Variants in SYT13 observed in about 807,000 individuals in gnomAD.
SYT13 encodes synaptotagmin 13, also known as synaptotagmin-13.
Under a neutral mutation model 38.6 loss-of-function variants are expected in SYT13, and 21 were observed. The ratio of observed to expected loss-of-function variants is 0.54; its 90% confidence interval spans 0.39 to 0.78. SYT13 has a LOEUF of 0.78. Among genes scored for constraint, SYT13 ranks in the 30% least tolerant of loss-of-function variants. The pLI, the probability that SYT13 is intolerant of heterozygous loss-of-function variation, is 0.00. For missense variants in SYT13, 495 were observed against 548.7 expected, an observed-to-expected ratio of 0.90 and a Z score of 0.98; for synonymous variants, 241 against 237.6, an observed-to-expected ratio of 1.01 and a Z score of -0.13.
At chr11:45,281,596 G>A (rs1004876110) in intron 1 of SYT13, among the ~76,000 whole-genome samples, 1 of 151,872 alleles carries the variant, frequency 6.6e-6, no homozygotes, top group Non-Finnish European at 1.5e-5. Flanking sequence ...GAGCCCAGGA[G>A]GTGGAGGTTG....
At chr11:45,247,072 C>T (rs547148117) in intron 4 of SYT13, among the ~76,000 whole-genome samples, 1 of 152,306 alleles carries the variant, frequency 6.6e-6, no homozygotes, top group Non-Finnish European at 1.5e-5. Context: ...AGATCATGCC[C>T]AGAGGCAACT....
chr11:45,273,046 A>G (rs1854969460), intron 1 of SYT13, among the ~76,000 whole-genome samples: 1 of 152,168 alleles, frequency 6.6e-6, no homozygotes, highest in Non-Finnish European at 1.5e-5. Flanking sequence ...TGCTATCAAT[A>G]AGGGTTTTTG....
At chr11:45,264,638 G>C (rs186412769) in intron 1 of SYT13, among the ~76,000 whole-genome samples, 1 of 152,278 alleles carries the variant, frequency 6.6e-6, no homozygotes, top group East Asian at 1.9e-4. Flanking sequence ...AAGGACCTAG[G>C]TAAGCCATGA....
intron 5 of SYT13, among the ~76,000 whole-genome samples, chr11:45,245,296 T>A (rs1854600657): frequency 6.6e-6 from 1 of 152,228 alleles, no homozygotes; most frequent in African/African-American, 2.4e-5. Context: ...TGAGAATAAT[T>A]GTTACTTTGT....
intron 4 of SYT13, among the ~76,000 whole-genome samples, chr11:45,247,078 C>T (rs987557866): frequency 7.9e-5 from 12 of 152,338 alleles, no homozygotes; most frequent in African/African-American, 2.6e-4. Flanking sequence ...TGCCCAGAGG[C>T]AACTGGCAAT....
chr11:45,257,488 G>A (rs1464298766), intron 1 of SYT13, among the ~76,000 whole-genome samples: 1 of 152,208 alleles, frequency 6.6e-6, no homozygotes, highest in Non-Finnish European at 1.5e-5. Flanking sequence ...CGAGTAGTGG[G>A]TGCAGATGGC....
rs1164155850 is a variant in SYT13 at position 45,246,387 on chromosome 11, C to T, written c.972G>A (p.Gly324=). ...LHSNQSKELL[G]KDVSVKVTLK... is the part of the protein sequence containing the mutation. ...ATCCTCTCACATCTCACTCACCCTT[C>T]CCCAGGAGCTCCTTGGACTGGTTAG... Residue 324 remains glycine, a synonymous_variant, in exon 5 of 6, where the codon GGG becomes GGA. Transcript: ENST00000020926. The T allele has an allele frequency of 5.0e-6, 8 of 1,613,836 alleles. No individual in the cohort carries two copies. In the Admixed American group the frequency reaches 6.7e-5, roughly 13 times the overall value.
intron 1 of SYT13, among the ~76,000 whole-genome samples, chr11:45,273,634 C>T (rs981305491): frequency 7.9e-5 from 12 of 152,196 alleles, no homozygotes; most frequent in African/African-American, 2.7e-4. Flanking sequence ...AGAATATTAA[C>T]GACATGAGGT....
intron 1 of SYT13, among the ~76,000 whole-genome samples, chr11:45,265,123 T>C (rs544929351): frequency 6.6e-5 from 10 of 152,354 alleles, no homozygotes; most frequent in African/African-American, 2.2e-4. Flanking sequence ...GAGAAGTCCA[T>C]TGGGGCATAT....
intron 1 of SYT13, among the ~76,000 whole-genome samples, chr11:45,284,234 G>A (rs12363412): frequency 0.3 from 46,003 of 152,020 alleles, 7,110 homozygotes; most frequent in South Asian, 0.4. Context: ...TGGGTGGAGA[G>A]GAGTGGCTAA....
chr11:45,254,235 C>A (rs1271664747), intron 3 of SYT13, 35 bp downstream of exon 3: 2 of 1,581,032 alleles, frequency 1.3e-6, no homozygotes, highest in Non-Finnish European at 8.6e-7. Flanking sequence ...GAGATAGACA[C>A]ACAGAAGCCC....
At position 45,286,021 on chromosome 11, in the gene SYT13, T is replaced by G; in HGVS notation, c.183+4A>C. On this transcript the variant is annotated splice_donor_region_variant and intron_variant, in intron 1 of 5. Transcript: ENST00000020926. ...GGAAGGGCCTGCGCGCCGCCCCCGC[T>G]CACCTGTTGTGCAGACCCGAGCAAG... 6.2e-7 allele frequency: 1 copy of G among 1,605,700 alleles called. No individual in the cohort carries two copies. The highest frequency in any genetic ancestry group is 8.5e-7 in the Non-Finnish European group (1 of 1,179,220).
At chr11:45,278,777 ACACAGGCTTAGGGGTC>A (rs1170962459) in intron 1 of SYT13, among the ~76,000 whole-genome samples, 1 of 152,180 alleles carries the variant, frequency 6.6e-6, no homozygotes, top group Non-Finnish European at 1.5e-5. Flanking sequence ...AGACTGAGGG[ACACAGGCTTAGGGGTC>A]CACATGTGAG....
At chr11:45,269,308 T>A (rs1854920931) in intron 1 of SYT13, 1 of 584,930 alleles carries the variant, frequency 1.7e-6, no homozygotes, top group Non-Finnish European at 2.4e-6. Context: ...AACTAAATTT[T>A]AAAACAATTA....
chr11:45,254,504 C>T (rs1423062737), intron 2 of SYT13, 100 bp from the exon 3 acceptor site: 1 of 1,493,960 alleles, frequency 6.7e-7, no homozygotes, highest in African/African-American at 1.4e-5. Flanking sequence ...GAACCCAAAC[C>T]CAAGTCTTCC....
chr11:45,255,569 C>A, intron 2 of SYT13, 97 bp downstream of exon 2: 1 of 1,203,516 alleles, frequency 8.3e-7, no homozygotes. Flanking sequence ...CCGGGGCACT[C>A]GGCCTCCTCA....
At chr11:45,272,006 A>G (rs1364447559) in intron 1 of SYT13, among the ~76,000 whole-genome samples, 1 of 152,232 alleles carries the variant, frequency 6.6e-6, no homozygotes, top group African/African-American at 2.4e-5. Context: ...ATGGAATACT[A>G]TGCAGCCATA....
In SYT13 at chr11:45,244,013, G is replaced by T. The variant is rs1366995924; in HGVS notation, c.*39C>A. ...ACAGAAAGGAGGTTGCAGAGGACGG[G>T]TCAGGGCTGTCCAAGAAGGGAGGCA... On this transcript the variant is annotated 3_prime_UTR_variant, in exon 6 of 6. Coordinates refer to ENST00000020926, the MANE Select transcript of SYT13 (RefSeq NM_020826.3). The T allele has an allele frequency of 3.2e-6, 5 of 1,561,460 alleles. No individual in the cohort carries two copies. Among genetic ancestry groups the T allele is most frequent in the East Asian group, 4.5e-5 (2 of 44,458 alleles).
At position 45,252,547 on chromosome 11, in the gene SYT13, C is replaced by CGTCAG. The variant is rs1565378960; in HGVS notation, c.715_719dup (p.Leu241Ter). ...AGCGGTCGCAGGTCCTCAAGGTCAG[C>CGTCAG]GTCAGGGTGGCTGTGGGGAGCTCCT... On this transcript the variant is annotated stop_gained and frameshift_variant, in exon 4 of 6. Transcript: ENST00000020926. LOFTEE classifies it high-confidence loss of function. The surrounding 1 kb of genome is among the most constrained non-coding windows in gnomAD (Gnocchi z 4.3). The CGTCAG allele has an allele frequency of 6.2e-7, 1 of 1,614,014 alleles. No homozygotes were observed. The highest frequency in any genetic ancestry group is 1.3e-5 in the African/African-American group (1 of 74,942).
Sources: allele counts gnomAD v4.1 joint callset (sites outside exome capture counted in the v4.1 genomes callset), GRCh38; gene constraint gnomAD v4.1.1; non-coding constraint Gnocchi (gnomAD v3.1); transcripts MANE v1.5; gene names NCBI Gene and HGNC (gene_info 2026-07-23, HGNC 2026-07-21).